SEC63: variants seen among roughly 807,000 people sequenced by gnomAD.
SEC63 encodes SEC63 protein translocation regulator, also known as translocation protein SEC63 homolog.
Under a neutral mutation model 116.2 loss-of-function variants are expected in SEC63, and 56 were observed. The observed-to-expected ratio is 0.48, with a 90% CI of 0.39 to 0.60. The LOEUF (loss-of-function observed/expected upper bound fraction) is 0.60, where lower values mean the gene tolerates loss of function less well. Among genes scored for constraint, SEC63 ranks in the 20% least tolerant of loss-of-function variants. The pLI is 0.00. For synonymous variants in SEC63, 273 were observed against 294.6 expected (o/e 0.93, Z 0.75); for missense variants, 668 against 900.0 (o/e 0.74, Z 3.30).
chr6:107,874,788 G>T (rs1218313964), intron 19 of SEC63, among the ~76,000 whole-genome samples: 2 of 151,980 alleles, frequency 1.3e-5, no homozygotes, highest in African/African-American at 2.4e-5. Flanking sequence ...TGATCCTCCT[G>T]CCTCAGCCTC....
chr6:107,926,444 G>A (rs2114483255), intron 2 of SEC63, among the ~76,000 whole-genome samples: 1 of 152,052 alleles, frequency 6.6e-6, no homozygotes, highest in Non-Finnish European at 1.5e-5. Context: ...TCATGATCAT[G>A]GCTCACTGCA....
In SEC63 at chr6:107,902,983, G is replaced by A. The variant is rs772389902; in HGVS notation, c.1070C>T (p.Ala357Val). 4 of 1,613,916 alleles carry A rather than the reference G, an allele frequency of 2.5e-6. No individual in the cohort carries two copies. The highest frequency in any genetic ancestry group is 4.5e-5 in the East Asian group (2 of 44,880). ...ARNREEREFR[A>V]PTLASLENCM... is the part of the protein sequence containing the mutation. The stretch of plus-strand genomic sequence containing the variant: ...GTTTTCTAGGGATGCCAAAGTTGGA[G>A]CACGAAACTCCCTTTCTTAGAAAGA... The change falls in exon 12 of 21, where the codon GCT (alanine) becomes GTT (valine). Residue 357 changes from alanine to valine, a missense_variant. This residue lies in a region of SEC63 where 430 missense variants were observed against 557.5 expected (regional missense o/e 0.77). Transcript: ENST00000369002.
chr6:107,953,565 G>T (rs1460329609), intron 1 of SEC63, among the ~76,000 whole-genome samples: 1 of 147,360 alleles, frequency 6.8e-6, no homozygotes, highest in African/African-American at 2.6e-5. Flanking sequence ...GTCCGGGAGG[G>T]AGGTGGGGGG....
intron 1 of SEC63, among the ~76,000 whole-genome samples, chr6:107,947,754 T>C (rs1770505679): frequency 6.6e-6 from 1 of 152,154 alleles, no homozygotes; most frequent in Non-Finnish European, 1.5e-5. Context: ...CAGTCCAAGC[T>C]TTCTTAGAAT....
intron 4 of SEC63, among the ~76,000 whole-genome samples, chr6:107,918,377 G>A (rs920609625): frequency 6.6e-6 from 1 of 152,114 alleles, no homozygotes; most frequent in African/African-American, 2.4e-5. Flanking sequence ...TCATTCTGCA[G>A]CACACAGATC....
intron 19 of SEC63, 99 bp downstream of exon 19, chr6:107,876,465 C>T (rs1786268680): frequency 1.2e-6 from 1 of 804,410 alleles, no homozygotes; most frequent in Non-Finnish European, 2.2e-6. Context: ...ATACAATATG[C>T]TAAATATGAT....
rs201488923 is a variant in SEC63, at chr6:107,957,887, G to A, written c.123C>T (p.Ala41=). Residue 41 remains alanine, a splice_region_variant and synonymous_variant, in exon 1 of 21, where the codon GCC becomes GCT. Transcript: ENST00000369002. ...CGGGCAAAGGCCGGCGGGACTCACC[G>A]GCATTCTGATCTCGGGGCCAGAGGT... ...TYYLWPRDQN[A]EQIRLKNIRK... 8 of 1,611,496 alleles carry A rather than the reference G, an allele frequency of 5.0e-6. No homozygotes were observed. The South Asian group carries it at 6.6e-5, about 13-fold the overall frequency.
chr6:107,942,539 C>T (rs1770399774), intron 1 of SEC63, among the ~76,000 whole-genome samples: 1 of 152,046 alleles, frequency 6.6e-6, no homozygotes, highest in Non-Finnish European at 1.5e-5. Flanking sequence ...AAAAACAAAA[C>T]AAAAAACCCT....
rs375614069 is a variant in SEC63, at chr6:107,904,641, G to A, written c.1042C>T (p.Arg348Trp). The A allele has an allele frequency of 7.5e-6, 12 of 1,610,172 alleles. No homozygotes were observed. Among genetic ancestry groups the A allele is most frequent in the Admixed American group, 1.7e-5 (1 of 59,980 alleles). Residue 348 changes from arginine to tryptophan, a missense_variant, in exon 11 of 21, where the codon CGG (arginine) becomes TGG (tryptophan). Transcript: ENST00000369002. ...NVICQLIVMA[R>W]NREEREFRAP... is the part of the protein sequence containing the mutation. ...ATTTCCTCCTCACCTTCACGGTTCC[G>A]GGCCATTACTATTAGTTGGCAGATT... is the stretch of plus-strand genomic sequence containing the variant.
Position 107,912,783 on chromosome 6 carries a change from G to GA in SEC63, c.515-10dup, listed in dbSNP as rs749647102. 11 of 1,604,516 alleles carry GA rather than the reference G, an allele frequency of 6.9e-6. No homozygotes were observed. Among genetic ancestry groups the GA allele is most frequent in the East Asian group, 2.2e-5 (1 of 44,788 alleles). ...AATTCCAAAGCTTGTGGCTGAAATA[G>GA]AAAAAATATCAGTTTCTGAAGAATC... On this transcript the variant is annotated splice_polypyrimidine_tract_variant and intron_variant, in intron 5 of 20. Coordinates refer to ENST00000369002, the MANE Select transcript of SEC63 (RefSeq NM_007214.5).
intron 16 of SEC63, among the ~76,000 whole-genome samples, chr6:107,886,033 G>C (rs189967420): frequency 1.3e-4 from 20 of 152,088 alleles, no homozygotes; most frequent in African/African-American, 4.8e-4. Context: ...GACATGCCCC[G>C]GTGTGTGATG....
intron 4 of SEC63, among the ~76,000 whole-genome samples, chr6:107,915,307 A>C (rs1426546322): frequency 6.6e-6 from 1 of 152,052 alleles, no homozygotes; most frequent in Non-Finnish European, 1.5e-5. Context: ...CCTGGGAAAA[A>C]TGCACATTAC....
intron 8 of SEC63, among the ~76,000 whole-genome samples, chr6:107,907,056 A>C (rs1787164221): frequency 6.6e-6 from 1 of 152,228 alleles, no homozygotes; most frequent in South Asian, 2.1e-4. Context: ...TGAAAGTTCC[A>C]CAGAAACTTT....
intron 1 of SEC63, chr6:107,957,137 G>GA (rs1408498305): frequency 1.3e-5 from 2 of 152,138 alleles, no homozygotes; most frequent in African/African-American, 4.8e-5. Context: ...TGTTTAATGT[G>GA]AAAAGACTTA....
At chr6:107,928,799 C>T (rs1787733398) in intron 2 of SEC63, among the ~76,000 whole-genome samples, 1 of 152,124 alleles carries the variant, frequency 6.6e-6, no homozygotes, top group Non-Finnish European at 1.5e-5. Flanking sequence ...ACCAGTACAC[C>T]CCATAGCCTC....
intron 1 of SEC63, among the ~76,000 whole-genome samples, chr6:107,955,615 G>T (rs1323339914): frequency 1.3e-5 from 2 of 152,148 alleles, no homozygotes; most frequent in African/African-American, 4.8e-5. Context: ...GCAGGGCGTG[G>T]TGGCTCATGC....
chr6:107,929,186 T>C (rs1787741076), intron 2 of SEC63, among the ~76,000 whole-genome samples: 2 of 152,208 alleles, frequency 1.3e-5, no homozygotes, highest in South Asian at 2.1e-4. Context: ...CCTCAAGATA[T>C]GACTTATCTC....
chr6:107,914,222 G>A (rs1237562216), intron 4 of SEC63, among the ~76,000 whole-genome samples: 1 of 152,112 alleles, frequency 6.6e-6, no homozygotes, highest in African/African-American at 2.4e-5. Flanking sequence ...ATACAATGTA[G>A]TTAAGGAATA....
Position 107,958,157 on chromosome 6 carries a change from A to T in SEC63, c.-148T>A. The stretch of plus-strand genomic sequence containing the variant: ...CCGCCCCCACGCCACTCTCACGGAC[A>T]CGCCGCCGCCACCTCTGCCGCTGCC... On this transcript the variant is annotated 5_prime_UTR_variant, in exon 1 of 21. Transcript: ENST00000369002. 8.0e-7 allele frequency: 1 copy of T among 1,244,572 alleles called. No individual in the cohort carries two copies. Among genetic ancestry groups the T allele is most frequent in the South Asian group, 1.3e-5 (1 of 76,858 alleles). The allele number at this position is 1,244,572 out of a possible 1,614,324, so 77.1% of individuals were successfully genotyped here. A position where few individuals can be genotyped will look rare whatever the true frequency, so the allele number is the denominator to read the frequency against.
Sources: allele counts gnomAD v4.1 joint callset (sites outside exome capture counted in the v4.1 genomes callset), GRCh38; gene constraint gnomAD v4.1.1; regional missense constraint gnomAD v4.1.1; transcripts MANE v1.5; gene names NCBI Gene and HGNC (gene_info 2026-07-23, HGNC 2026-07-21).